Variants in BEND5 observed in about 807,000 individuals in gnomAD.
BEND5 encodes BEN domain containing 5.
BEND5 carries 22 observed loss-of-function variants against 43.9 expected under a neutral mutation model. The ratio of observed to expected loss-of-function variants is 0.50; its 90% CI spans 0.36 to 0.72. The LOEUF is 0.72. Among genes scored for constraint, BEND5 ranks in the 30% least tolerant of loss-of-function variants. The pLI is 0.00. For synonymous variants in BEND5, 228 were observed against 225.9 expected (o/e 1.01, Z -0.08); for missense variants, 428 against 550.6 (o/e 0.78, Z 2.23).
chr1:48,772,162 C>A (rs1242957806), intron 1 of BEND5, among the ~76,000 whole-genome samples: 1 of 152,164 alleles, frequency 6.6e-6, no homozygotes, highest in Non-Finnish European at 1.5e-5. Context: ...AGTTCCCTGT[C>A]AGGCAGGAAG....
intron 1 of BEND5, among the ~76,000 whole-genome samples, chr1:48,768,524 G>A (rs1352871213): frequency 6.6e-6 from 1 of 152,132 alleles, no homozygotes; most frequent in Non-Finnish European, 1.5e-5. Context: ...ATAGGCAAAT[G>A]GTGTTTTAGA....
chr1:48,774,109 T>C (rs1338927291), intron 1 of BEND5, among the ~76,000 whole-genome samples: 2 of 152,248 alleles, frequency 1.3e-5, no homozygotes, highest in South Asian at 2.1e-4. Context: ...CAGAAAGCTG[T>C]GCTGAAACTA....
chr1:48,772,264 GGA>G (rs1188988734), intron 1 of BEND5, among the ~76,000 whole-genome samples: 6 of 152,356 alleles, frequency 3.9e-5, no homozygotes, highest in Admixed American at 2.0e-4. Flanking sequence ...TTCTGAGGAG[GGA>G]GAGAGTCTCT....
chr1:48,743,254 G>C (rs932269679), intron 3 of BEND5, among the ~76,000 whole-genome samples: 4 of 152,180 alleles, frequency 2.6e-5, no homozygotes, highest in Non-Finnish European at 1.5e-5. Context: ...CTAGTATCTA[G>C]ACTGGAGCAT....
intron 4 of BEND5, 39 bp downstream of exon 4, chr1:48,742,584 A>C: frequency 1.4e-6 from 2 of 1,467,910 alleles, no homozygotes; most frequent in Non-Finnish European, 1.8e-6. Flanking sequence ...CTGACTAACA[A>C]ACACTTGCAG....
At chr1:48,747,125 C>T (rs1650892280) in intron 3 of BEND5, among the ~76,000 whole-genome samples, 1 of 152,218 alleles carries the variant, frequency 6.6e-6, no homozygotes, top group Non-Finnish European at 1.5e-5. Context: ...CCCTCAAACA[C>T]ATGTGACCAA....
Position 48,727,850 on chromosome 1 carries a change from A to G in BEND5, c.*36T>C. ...ATCGCTCGCAAATCACATGCCACAC[A>G]AGGAAAACACGAAAGCTTTATGAAA... is the stretch of plus-strand genomic sequence containing the variant. On this transcript the variant is annotated 3_prime_UTR_variant, in exon 6 of 6. Coordinates refer to ENST00000371833, the MANE Select transcript of BEND5 (RefSeq NM_024603.4). 1 of 1,574,900 alleles carries G rather than the reference A, an allele frequency of 6.3e-7. No individual in the cohort carries two copies. The highest frequency in any genetic ancestry group is 8.7e-7 in the Non-Finnish European group (1 of 1,150,960).
At chr1:48,767,856 T>C (rs985017439) in intron 1 of BEND5, among the ~76,000 whole-genome samples, 6 of 152,218 alleles carry the variant, frequency 3.9e-5, no homozygotes, top group African/African-American at 1.2e-4. Flanking sequence ...ATCCTTTTCC[T>C]CCTCCTTTCT....
intron 1 of BEND5, among the ~76,000 whole-genome samples, chr1:48,770,406 T>C (rs1309794333): frequency 1.3e-5 from 2 of 152,206 alleles, no homozygotes; most frequent in African/African-American, 2.4e-5. Flanking sequence ...GGTTATCCCC[T>C]GATTCTAAGT....
Position 48,749,055 on chromosome 1 carries a change from G to A in BEND5, c.746-6284C>T, listed in dbSNP as rs180703406. Among the ~76,000 whole-genome samples the A allele has an allele frequency of 3.3e-4, 50 of 152,066 alleles. No individual in the cohort carries two copies. The East Asian group carries it at 8.7e-3, about 26-fold the overall frequency. Reference sequence around the variant, plus strand: ...AGAGCCCCCTTTCCAAGGGGGAGAAGCCCACCCAGGAAGAAAGAGGTGAAA... The same window carrying A: ...AGAGCCCCCTTTCCAAGGGGGAGAAACCCACCCAGGAAGAAAGAGGTGAAA... On this transcript the variant is annotated intron_variant, in intron 3 of 5. Coordinates refer to ENST00000371833, the MANE Select transcript of BEND5 (RefSeq NM_024603.4).
chr1:48,771,119 A>C (rs1002680479), intron 1 of BEND5, among the ~76,000 whole-genome samples: 5 of 152,218 alleles, frequency 3.3e-5, no homozygotes, highest in Non-Finnish European at 5.9e-5. Flanking sequence ...CTCTTCCTGC[A>C]TTTCCCTGGA....
At position 48,759,040 on chromosome 1, in the gene BEND5, T is replaced by A. The variant is rs750936942; in HGVS notation, c.605A>T (p.Gln202Leu). 8.1e-6 allele frequency: 13 copies of A among 1,614,034 alleles called. No individual in the cohort carries two copies. Among genetic ancestry groups the A allele is most frequent in the Non-Finnish European group, 1.1e-5 (13 of 1,179,970 alleles). ...QQQEEMRHLQ[Q>L]ELERTRRQLV... ...CTGCCTCCGAGTCCGCTCCAGCTCC[T>A]GCTGGAGGTGGCGCATCTCTTCCTG... Residue 202 changes from glutamine to leucine, a missense_variant, in exon 3 of 6, where the codon CAG (glutamine) becomes CTG (leucine). By Grantham distance (113) the Gln-to-Leu change is moderately radical. Around this residue, in one of 4 missense-constraint regions of BEND5, gnomAD observed 243 missense variants for 286.4 expected, o/e 0.85. Transcript: ENST00000371833.
At chr1:48,771,688 G>C (rs545760247) in intron 1 of BEND5, among the ~76,000 whole-genome samples, 1 of 152,128 alleles carries the variant, frequency 6.6e-6, no homozygotes, top group African/African-American at 2.4e-5. Context: ...CTGATGACAC[G>C]CAACAATCTT....
At chr1:48,755,951 G>A (rs1403213683) in intron 3 of BEND5, among the ~76,000 whole-genome samples, 1 of 152,204 alleles carries the variant, frequency 6.6e-6, no homozygotes, top group Non-Finnish European at 1.5e-5. Flanking sequence ...AGGCAGAGAA[G>A]TTAGTTAACC....
At chr1:48,728,997 A>G (rs780433109) in intron 5 of BEND5, among the ~76,000 whole-genome samples, 6 of 152,206 alleles carry the variant, frequency 3.9e-5, no homozygotes, top group South Asian at 2.1e-4. Context: ...CCAGCTCCAG[A>G]CAAGGTCTGG....
At chr1:48,751,313 T>A (rs1398965209) in intron 3 of BEND5, among the ~76,000 whole-genome samples, 1 of 152,170 alleles carries the variant, frequency 6.6e-6, no homozygotes, top group African/African-American at 2.4e-5. Flanking sequence ...TGCACTGCAG[T>A]ACTGGATGGT....
intron 1 of BEND5, among the ~76,000 whole-genome samples, chr1:48,764,628 G>T (rs189625093): frequency 1.3e-5 from 2 of 152,338 alleles, no homozygotes; most frequent in East Asian, 3.9e-4. Context: ...CTGAGGCTCA[G>T]TGTGCAGATG....
At chr1:48,770,473 C>G (rs1644756672) in intron 1 of BEND5, among the ~76,000 whole-genome samples, 1 of 152,086 alleles carries the variant, frequency 6.6e-6, no homozygotes, top group Non-Finnish European at 1.5e-5. Flanking sequence ...TCAGGCTCTT[C>G]TTTAACTGTG....
Position 48,736,703 on chromosome 1 carries a change from C to T in BEND5, c.895-251G>A, listed in dbSNP as rs141178509. On this transcript the variant is annotated intron_variant, in intron 4 of 5. Coordinates refer to ENST00000371833, the MANE Select transcript of BEND5 (RefSeq NM_024603.4). This position sits in a 1 kb window ranked among gnomAD's most constrained non-coding sequence, Gnocchi z 4.0. Reference sequence around the variant, plus strand: ...CAATTGTGGATAGAAGGCATTATAACACCATTTTCCTTTCAGATGGAAACA... The same window carrying T: ...CAATTGTGGATAGAAGGCATTATAATACCATTTTCCTTTCAGATGGAAACA... Among the ~76,000 whole-genome samples the T allele has an allele frequency of 9.2e-4, 140 of 152,264 alleles. 3 individuals carry two copies. In the East Asian group the frequency reaches 0.021, roughly 23 times the overall value.
Sources: gnomAD v4.1 joint callset for allele counts (sites outside exome capture counted in the v4.1 genomes callset) on GRCh38, gnomAD v4.1.1 for gene constraint, gnomAD v4.1.1 regional missense constraint, Gnocchi (gnomAD v3.1) non-coding constraint, MANE v1.5 for transcripts, NCBI Gene and HGNC (gene_info 2026-07-23, HGNC 2026-07-21) for gene names.